Variants in DENND4C observed in about 807,000 individuals in gnomAD.
The protein encoded by DENND4C is DENN domain containing 4C.
A neutral mutation model predicts 203.0 loss-of-function variants in DENND4C; 108 were observed. The observed-to-expected ratio is 0.53, with a 90% CI of 0.46 to 0.62. The LOEUF (loss-of-function observed/expected upper bound fraction) is 0.62, where lower values mean the gene tolerates loss of function less well. DENND4C is among the 20% of genes least tolerant of loss of function. The pLI, the probability that DENND4C is intolerant of heterozygous loss-of-function variation, is 0.00. For missense variants in DENND4C, 2,481 were observed against 2,301.2 expected, an observed-to-expected ratio of 1.08 and a Z score of -1.60; for synonymous variants, 871 against 792.4, an observed-to-expected ratio of 1.10 and a Z score of -1.67.
rs537043179 is a variant in DENND4C at position 19,280,690 on chromosome 9, T to A, written c.305+4211T>A. ...TTCCAGCATTCACTGTTCCCTCTTT[T>A]AGGCATCTTTTTTTTTTAATTAAAA... On this transcript the variant is annotated intron_variant, in intron 2 of 32. Transcript: ENST00000434457. Among the ~76,000 whole-genome samples the A allele has an allele frequency of 1.3e-4, 19 of 148,632 alleles. No homozygotes were observed. In the East Asian group the frequency reaches 3.8e-3, roughly 30 times the overall value.
At chr9:19,274,352 A>G (rs556360154) in intron 1 of DENND4C, among the ~76,000 whole-genome samples, 8 of 151,136 alleles carry the variant, frequency 5.3e-5, no homozygotes, top group East Asian at 1.9e-4. Flanking sequence ...CTGGAGTGCA[A>G]TGGTGCGATC....
chr9:19,321,538 A>G (rs1005153225), intron 12 of DENND4C, among the ~76,000 whole-genome samples: 1 of 151,870 alleles, frequency 6.6e-6, no homozygotes, highest in Non-Finnish European at 1.5e-5. Context: ...AGACTTGAGT[A>G]TGCTGATGAG....
At chr9:19,345,401 A>G (rs1029769795) in intron 22 of DENND4C, among the ~76,000 whole-genome samples, 9 of 152,232 alleles carry the variant, frequency 5.9e-5, no homozygotes, top group African/African-American at 2.2e-4. Context: ...GATATATCTG[A>G]ATAATTTTTT....
chr9:19,250,824 G>A (rs1389805699), intron 1 of DENND4C, among the ~76,000 whole-genome samples: 1 of 152,216 alleles, frequency 6.6e-6, no homozygotes, highest in Non-Finnish European at 1.5e-5. Flanking sequence ...TCACACTGCT[G>A]CAAGAAGTGG....
Position 19,276,216 on chromosome 9 carries a change from C to T in DENND4C, c.42C>T (p.Val14=), listed in dbSNP as rs542279655. ...DKGPRVTDYF[V]VAGLTDTSTL... is the part of the protein sequence containing the mutation. ...GACCAAGAGTGACAGACTACTTTGT[C>T]GTAGCTGGTCTCACTGACACATCTA... Residue 14 remains valine, a synonymous_variant, in exon 2 of 33, where the codon GTC becomes GTT. Transcript: ENST00000434457. 3.1e-5 allele frequency: 38 copies of T among 1,232,074 alleles called. No homozygotes were observed. Among genetic ancestry groups the T allele is most frequent in the South Asian group, 4.1e-5 (1 of 24,314 alleles). The allele number at this position is 1,232,074 out of a possible 1,614,324, so 76.3% of individuals were successfully genotyped here.
chr9:19,238,069 CTGTT>C (rs1305126338), intron 1 of DENND4C, among the ~76,000 whole-genome samples: 1 of 150,824 alleles, frequency 6.6e-6, no homozygotes, highest in African/African-American at 2.4e-5. Context: ...GACTCTTCCT[CTGTT>C]TCTTTCTTTC....
In DENND4C at chr9:19,300,240, C is replaced by T. The variant is rs764945174; in HGVS notation, c.1220C>T (p.Thr407Ile). Residue 407 changes from threonine (T) to isoleucine (I), a missense_variant, in exon 9 of 33, where the codon ACA becomes ATA. This residue lies in a region of DENND4C where 2,289 missense variants were observed against 2,113.3 expected (regional missense o/e 1.08). Coordinates refer to ENST00000434457, the MANE Select transcript of DENND4C (RefSeq NM_001330640.2). ...LMNLGPENCA[T>I]LLLFVLLESK... ...AATCTGGGTCCTGAGAATTGTGCAA[C>T]ACTGCTGCTCTTTGTTTTACTTGAG... The T allele has an allele frequency of 6.2e-7, 1 of 1,612,900 alleles. No individual in the cohort carries two copies. Among genetic ancestry groups the T allele is most frequent in the Non-Finnish European group, 8.5e-7 (1 of 1,179,142 alleles).
chr9:19,300,667 C>A (rs116598165), intron 9 of DENND4C, among the ~76,000 whole-genome samples: 3,280 of 152,182 alleles, frequency 0.022, 122 homozygotes, highest in African/African-American at 0.074. Context: ...TTCAGCTGTT[C>A]TAAAATTATG....
chr9:19,350,378 G>T (rs16937490), intron 23 of DENND4C, among the ~76,000 whole-genome samples: 7,753 of 152,246 alleles, frequency 0.051, 632 homozygotes, highest in African/African-American at 0.17. Flanking sequence ...TACTCTACTT[G>T]TACTGGGATT....
chr9:19,328,695 C>CTATCTA (rs1377017149), intron 16 of DENND4C, among the ~76,000 whole-genome samples: 1 of 151,664 alleles, frequency 6.6e-6, no homozygotes, highest in Non-Finnish European at 1.5e-5. Context: ...ATCTATCTAT[C>CTATCTA]TGTCTATCTA....
At chr9:19,341,459 GC>G (rs1821642040) in intron 21 of DENND4C, among the ~76,000 whole-genome samples, 1 of 151,816 alleles carries the variant, frequency 6.6e-6, no homozygotes, top group African/African-American at 2.4e-5. Context: ...ACAGGCACGT[GC>G]CACCACACCC....
intron 9 of DENND4C, 109 bp downstream of exon 9, chr9:19,300,440 AAG>A: frequency 8.9e-7 from 1 of 1,125,076 alleles, no homozygotes; most frequent in Non-Finnish European, 1.2e-6. Context: ...AATTTAAAAA[AAG>A]GAACTTTGAA....
At chr9:19,296,459 G>C (rs540071233) in intron 6 of DENND4C, among the ~76,000 whole-genome samples, 2 of 151,448 alleles carry the variant, frequency 1.3e-5, no homozygotes, top group Non-Finnish European at 2.9e-5. Flanking sequence ...CCACCTCCTG[G>C]GTTCATGCAG....
Position 19,336,830 on chromosome 9 carries a change from C to G in DENND4C, c.2879C>G (p.Thr960Arg). 2 of 1,547,426 alleles carry G rather than the reference C, an allele frequency of 1.3e-6. No homozygotes were observed. The highest frequency in any genetic ancestry group is 1.7e-6 in the Non-Finnish European group (2 of 1,145,950). The change falls in exon 20 of 33, where the codon ACA becomes AGA. Residue 960 changes from threonine to arginine, a missense_variant and splice_region_variant. This residue lies in a region of DENND4C where 2,289 missense variants were observed against 2,113.3 expected (regional missense o/e 1.08). Transcript: ENST00000434457. ...RLESIDNHSS[T>R]GGQSDQGYGS... ...GAGTCCATTGATAATCACTCTAGCA[C>G]AGGTACTAAAATCCAGATTTTACTA...
intron 9 of DENND4C, among the ~76,000 whole-genome samples, chr9:19,304,740 G>T (rs564483518): frequency 1.4e-5 from 2 of 141,444 alleles, no homozygotes; most frequent in African/African-American, 6.0e-5. Flanking sequence ...TAGTAGAGAC[G>T]GGGTTTCACC....
intron 1 of DENND4C, among the ~76,000 whole-genome samples, chr9:19,269,952 G>A (rs1342724078): frequency 6.6e-6 from 1 of 152,102 alleles, no homozygotes; most frequent in Non-Finnish European, 1.5e-5. Flanking sequence ...TAAGTCCTTG[G>A]TCTCTATAGC....
rs893384083 is a variant in DENND4C at position 19,358,244 on chromosome 9, C to T, written c.5160+84C>T. ...ACATTATAAATTCTTCTGTAGTGGA[C>T]TTATTTTAATTACATGAAAAGTGAT... On this transcript the variant is annotated intron_variant, in intron 28 of 32. Transcript: ENST00000434457. The surrounding 1 kb of genome is among the most constrained non-coding windows in gnomAD (Gnocchi z 4.8). 1.8e-6 allele frequency: 2 copies of T among 1,115,722 alleles called. No homozygotes were observed. Among genetic ancestry groups the T allele is most frequent in the Non-Finnish European group, 2.4e-6 (2 of 816,774 alleles). 69.1% of individuals were successfully genotyped at this position (1,115,722 alleles called of 1,614,324 possible).
At chr9:19,315,680 A>C (rs568861123) in intron 10 of DENND4C, among the ~76,000 whole-genome samples, 25 of 151,276 alleles carry the variant, frequency 1.7e-4, no homozygotes, top group Non-Finnish European at 2.2e-4. Flanking sequence ...AATACCTTTA[A>C]AAATGGTCAT....
At chr9:19,246,423 G>GT (rs1308968374) in intron 1 of DENND4C, among the ~76,000 whole-genome samples, 1 of 152,074 alleles carries the variant, frequency 6.6e-6, no homozygotes, top group Non-Finnish European at 1.5e-5. Flanking sequence ...ACTCTTAGCT[G>GT]TTTTTTAGAA....
Sources: gnomAD v4.1 joint callset for allele counts (sites outside exome capture counted in the v4.1 genomes callset) on GRCh38, gnomAD v4.1.1 for gene constraint, gnomAD v4.1.1 regional missense constraint, Gnocchi (gnomAD v3.1) non-coding constraint, MANE v1.5 for transcripts, NCBI Gene and HGNC (gene_info 2026-07-23, HGNC 2026-07-21) for gene names.